Variants in FOXRED2 observed in about 807,000 individuals in gnomAD.
FOXRED2 encodes FAD dependent oxidoreductase domain containing 2.
FOXRED2 carries 32 observed loss-of-function variants against 52.5 expected under a neutral mutation model. The observed-to-expected ratio is 0.61, with a 90% CI of 0.46 to 0.82. The LOEUF (loss-of-function observed/expected upper bound fraction) is 0.82, where lower values mean the gene tolerates loss of function less well. FOXRED2 is among the 40% of genes least tolerant of loss of function. The pLI, the probability that FOXRED2 is intolerant of heterozygous loss-of-function variation, is 0.00. For synonymous variants in FOXRED2, 405 were observed against 398.1 expected, an observed-to-expected ratio of 1.02 and a Z score of -0.21; for missense variants, 848 against 937.5, an observed-to-expected ratio of 0.90 and a Z score of 1.25.
intron 4 of FOXRED2, among the ~76,000 whole-genome samples, chr22:36,501,731 G>T (rs549892610): frequency 6.6e-6 from 1 of 152,130 alleles, no homozygotes; most frequent in Non-Finnish European, 1.5e-5. Context: ...AAAGTGCTGG[G>T]ATTACAAGCG....
chr22:36,491,818 A>C lies in FOXRED2; in HGVS notation c.1796-1551T>G, dbSNP rs370468204. 3.2e-3 allele frequency among the ~76,000 whole-genome samples: 488 copies of C among 152,292 alleles called. 3 individuals carry two copies. The highest frequency in any genetic ancestry group is 0.011 in the African/African-American group (467 of 41,568). Reference sequence around the variant, plus strand: ...TAGCAATGTGAGAACAGACTAATACAGTGAGAAAAAGTCATTTAGCCAAGT... The same window carrying C: ...TAGCAATGTGAGAACAGACTAATACCGTGAGAAAAAGTCATTTAGCCAAGT... On this transcript the variant is annotated intron_variant, in intron 8 of 8. Transcript: ENST00000397224.
chr22:36,498,721 ATTTTT>A (rs150063186), intron 5 of FOXRED2, among the ~76,000 whole-genome samples: 17 of 151,884 alleles, frequency 1.1e-4, no homozygotes, highest in African/African-American at 3.6e-4. Context: ...TTTTTATTTT[ATTTTT>A]TTGAGACAGG....
chr22:36,490,580 A>G (rs1007481036), intron 8 of FOXRED2, among the ~76,000 whole-genome samples: 3 of 152,264 alleles, frequency 2.0e-5, no homozygotes, highest in Admixed American at 1.3e-4. Flanking sequence ...CGGGCTCTGC[A>G]GGCAACCACA....
At chr22:36,491,537 A>G (rs1404536559) in intron 8 of FOXRED2, among the ~76,000 whole-genome samples, 1 of 151,912 alleles carries the variant, frequency 6.6e-6, no homozygotes, top group Admixed American at 6.6e-5. Flanking sequence ...CCAGTAGCTG[A>G]GACTACAGGT....
Position 36,504,782 on chromosome 22 carries a change from G to A in FOXRED2, c.528-16C>T. 6.2e-7 allele frequency: 1 copy of A among 1,612,712 alleles called. No individual in the cohort carries two copies. The highest frequency in any genetic ancestry group is 8.5e-7 in the Non-Finnish European group (1 of 1,179,010). ...AAAGAGGACGCTGCAGGCGGGGACA[G>A]AGGAAAGATGGCTTAGTCTCTTAGC... On this transcript the variant is annotated splice_polypyrimidine_tract_variant and intron_variant, in intron 2 of 8. Coordinates refer to ENST00000397224, the MANE Select transcript of FOXRED2 (RefSeq NM_001102371.2).
rs550816822 is a variant in FOXRED2 at position 36,503,277 on chromosome 22, A to G, written c.1049+821T>C. Among the ~76,000 whole-genome samples, 30 of 148,976 alleles carry G rather than the reference A, an allele frequency of 2.0e-4. No homozygotes were observed. In the South Asian group the frequency reaches 6.2e-3, roughly 31 times the overall value. On this transcript the variant is annotated intron_variant, in intron 4 of 8. Transcript: ENST00000397224. The stretch of plus-strand genomic sequence containing the variant: ...GTGCTGGGATTATAGGTGTGAGACC[A>G]TGAGCCACTGCACCTGGCCTCTGCA...
chr22:36,493,561 G>C, intron 8 of FOXRED2, 72 bp downstream of exon 8: 2 of 1,355,698 alleles, frequency 1.5e-6, no homozygotes, highest in Non-Finnish European at 2.0e-6. Flanking sequence ...GAAACTCCAC[G>C]GGTCTTGGGT....
intron 8 of FOXRED2, among the ~76,000 whole-genome samples, chr22:36,491,695 ATC>A (rs1481681302): frequency 6.6e-6 from 1 of 152,170 alleles, no homozygotes; most frequent in African/African-American, 2.4e-5. Context: ...GTGATCCAGC[ATC>A]CAGAAATAGA....
At chr22:36,503,548 T>C (rs1449277369) in intron 4 of FOXRED2, among the ~76,000 whole-genome samples, 3 of 152,016 alleles carry the variant, frequency 2.0e-5, no homozygotes, top group Non-Finnish European at 4.4e-5. Flanking sequence ...TAACCTCAAG[T>C]GATCCACCTG....
chr22:36,492,219 G>A (rs1185878091), intron 8 of FOXRED2, among the ~76,000 whole-genome samples: 1 of 152,180 alleles, frequency 6.6e-6, no homozygotes, highest in Non-Finnish European at 1.5e-5. Context: ...TGTTTGGCAG[G>A]CACCACCTTC....
At chr22:36,500,620 G>A (rs1030018369) in intron 5 of FOXRED2, among the ~76,000 whole-genome samples, 1 of 107,634 alleles carries the variant, frequency 9.3e-6, no homozygotes, top group East Asian at 2.3e-4. Context: ...TTTTGCTCTT[G>A]TTGCCCAGGC....
intron 8 of FOXRED2, among the ~76,000 whole-genome samples, chr22:36,492,808 G>A (rs1450032674): frequency 6.6e-6 from 1 of 152,222 alleles, no homozygotes; most frequent in African/African-American, 2.4e-5. Context: ...GTGAGCCACT[G>A]CACCTGGCCT....
intron 8 of FOXRED2, among the ~76,000 whole-genome samples, chr22:36,492,783 G>A (rs1183388601): frequency 6.6e-6 from 1 of 152,178 alleles, no homozygotes; most frequent in Non-Finnish European, 1.5e-5. Context: ...CTCCCAAAGT[G>A]TTGAGATTAC....
chr22:36,497,204 G>T (rs4821495), intron 6 of FOXRED2, among the ~76,000 whole-genome samples: 1 of 151,546 alleles, frequency 6.6e-6, no homozygotes, highest in Non-Finnish European at 1.5e-5. Flanking sequence ...GCCAGGCATG[G>T]TGGTGGGTGC....
chr22:36,495,438 C>T (rs1473665352), intron 7 of FOXRED2, among the ~76,000 whole-genome samples: 2 of 152,222 alleles, frequency 1.3e-5, no homozygotes, highest in African/African-American at 4.8e-5. Flanking sequence ...TACTCTGTGC[C>T]TGCAGTGGGC....
chr22:36,506,304 GGCCCAGC>G lies in FOXRED2; in HGVS notation c.112_118del (p.Ala38ProfsTer126). The G allele has an allele frequency of 3.2e-6, 5 of 1,566,134 alleles. No homozygotes were observed. Among genetic ancestry groups the G allele is most frequent in the Non-Finnish European group, 4.3e-6 (5 of 1,158,854 alleles). On this transcript the variant is annotated frameshift_variant, in exon 2 of 9. Coordinates refer to ENST00000397224, the MANE Select transcript of FOXRED2 (RefSeq NM_001102371.2). LOFTEE classifies it high-confidence loss of function. ...GAAGTAGGCCATCTGCAGGCCCGCGGGCCCAGCGCCCAGCACGCAGTAGTCCCGGCGC... is the reference window on the plus strand; with the variant it reads ...GAAGTAGGCCATCTGCAGGCCCGCGGGCCCAGCACGCAGTAGTCCCGGCGC...
In FOXRED2 at chr22:36,496,167, T is replaced by G; in HGVS notation, c.1424A>C (p.Gln475Pro). 6.2e-7 allele frequency: 1 copy of G among 1,614,070 alleles called. No homozygotes were observed. The highest frequency in any genetic ancestry group is 8.5e-7 in the Non-Finnish European group (1 of 1,180,018). ...GAGTGTCTCCAGCTGGGCCAGCATCTGTATGGGGAACTCCTCCAGGTACTC... is the reference window on the plus strand; with the variant it reads ...GAGTGTCTCCAGCTGGGCCAGCATCGGTATGGGGAACTCCTCCAGGTACTC... Reference protein sequence around the residue: ...AFEYLEEFPIQMLAQLETLTG... With the variant: ...AFEYLEEFPIPMLAQLETLTG... Residue 475 changes from glutamine to proline, a missense_variant, in exon 7 of 9, where the codon CAG (glutamine) becomes CCG (proline). Gln to Pro is a moderately conservative substitution (Grantham distance 76). Coordinates refer to ENST00000397224, the MANE Select transcript of FOXRED2 (RefSeq NM_001102371.2).
intron 7 of FOXRED2, 41 bp from the exon 8 acceptor site, chr22:36,493,844 C>T (rs761614121): frequency 6.3e-7 from 1 of 1,587,228 alleles, no homozygotes; most frequent in Non-Finnish European, 8.6e-7. Context: ...AGCTGTGAGG[C>T]TGGGCTTCCC....
Position 36,506,252 on chromosome 22 carries a change from T to A in FOXRED2, c.171A>T (p.Ala57=). 6.2e-7 allele frequency: 1 copy of A among 1,611,862 alleles called. No individual in the cohort carries two copies. Among genetic ancestry groups the A allele is most frequent in the Non-Finnish European group, 8.5e-7 (1 of 1,178,808 alleles). Residue 57 remains alanine (A), a synonymous_variant, in exon 2 of 9, where the codon GCA becomes GCT. Coordinates refer to ENST00000397224, the MANE Select transcript of FOXRED2 (RefSeq NM_001102371.2). ...YFLQRAGRDY[A]VFERAPRPGS... ...CGGGCCGCGGGGCCCGCTCGAACAC[T>A]GCGTAGTCGCGTCCAGCGCGCTGCA...
Sources: allele counts gnomAD v4.1 joint callset (sites outside exome capture counted in the v4.1 genomes callset), GRCh38; gene constraint gnomAD v4.1.1; transcripts MANE v1.5; gene names NCBI Gene and HGNC (gene_info 2026-07-23, HGNC 2026-07-21).